The following OCA2 variants were observed in gnomAD, a reference collection of about 807,000 sequenced individuals.
OCA2 encodes the protein OCA2 melanosomal transmembrane protein.
OCA2 carries 77 observed loss-of-function variants against 100.2 expected under a neutral mutation model. The observed-to-expected ratio is 0.77, with a 90% CI of 0.64 to 0.93. OCA2 has a LOEUF of 0.93. OCA2 is among the 40% of genes least tolerant of loss of function. OCA2 has a pLI of 0.00. For missense variants in OCA2, 1,062 were observed against 1,089.1 expected (o/e 0.98, Z 0.35); for synonymous variants, 432 against 439.2 (o/e 0.98, Z 0.21).
At chr15:27,783,789 C>T (rs950118187) in intron 23 of OCA2, among the ~76,000 whole-genome samples, 1 of 152,250 alleles carries the variant, frequency 6.6e-6, no homozygotes, top group Non-Finnish European at 1.5e-5. Flanking sequence ...TCTGAGAAAA[C>T]ATCCTTGTGG....
chr15:27,975,049 C>T (rs2040922305), intron 14 of OCA2, among the ~76,000 whole-genome samples: 1 of 152,182 alleles, frequency 6.6e-6, no homozygotes, highest in African/African-American at 2.4e-5. Flanking sequence ...TGCTCTTTGC[C>T]CTCAGTTTTC....
chr15:27,972,896 C>T (rs1219521307), intron 14 of OCA2, among the ~76,000 whole-genome samples: 2 of 145,610 alleles, frequency 1.4e-5, no homozygotes, highest in African/African-American at 5.0e-5. Context: ...GACAGAGTCT[C>T]TCTTTCTCAC....
intron 1 of OCA2, among the ~76,000 whole-genome samples, chr15:28,098,302 C>T (rs901077583): frequency 2.6e-4 from 39 of 152,372 alleles, no homozygotes; most frequent in African/African-American, 9.4e-4. Flanking sequence ...ATTAGTTCTT[C>T]TATGAGAGAT....
At chr15:27,737,871 G>A in the OCA2 span, among the ~76,000 whole-genome samples, 1 of 152,166 alleles carries the variant, frequency 6.6e-6, no homozygotes, top group East Asian at 1.9e-4. Flanking sequence ...AACGTCATAG[G>A]AGAATGGACA....
intron 1 of OCA2, among the ~76,000 whole-genome samples, chr15:28,096,074 C>A (rs1254752670): frequency 6.6e-6 from 1 of 151,708 alleles, no homozygotes; most frequent in Non-Finnish European, 1.5e-5. Context: ...CTCCGGGGGC[C>A]TGGCTGCGTC....
At chr15:27,982,009 T>A (rs2041179452) in intron 14 of OCA2, among the ~76,000 whole-genome samples, 1 of 152,214 alleles carries the variant, frequency 6.6e-6, no homozygotes, top group Non-Finnish European at 1.5e-5. Flanking sequence ...CCTTTGTGCC[T>A]GTTATCCAGT....
At chr15:27,739,541 G>A in the OCA2 span, among the ~76,000 whole-genome samples, 1 of 147,302 alleles carries the variant, frequency 6.8e-6, no homozygotes, top group South Asian at 2.2e-4. Context: ...CACCTCCCGG[G>A]TTCAAGTGAT....
At chr15:28,097,597 A>C (rs1432479908) in intron 1 of OCA2, among the ~76,000 whole-genome samples, 5 of 151,902 alleles carry the variant, frequency 3.3e-5, no homozygotes, top group Non-Finnish European at 7.4e-5. Context: ...CTCCCAAGAA[A>C]CCTCATCCTC....
At chr15:27,778,019 G>C (rs1198479839) in intron 23 of OCA2, among the ~76,000 whole-genome samples, 3 of 152,316 alleles carry the variant, frequency 2.0e-5, no homozygotes, top group Non-Finnish European at 4.4e-5. Flanking sequence ...AGGCATATTA[G>C]AGTGGCCTTT....
intron 3 of OCA2, among the ~76,000 whole-genome samples, chr15:28,029,602 A>G (rs763141928): frequency 2.6e-5 from 4 of 151,578 alleles, no homozygotes; most frequent in Non-Finnish European, 4.4e-5. Flanking sequence ...TTTAATTTTA[A>G]TTAATTTAAA....
At chr15:27,959,344 G>A (rs1595719666) in intron 15 of OCA2, among the ~76,000 whole-genome samples, 1 of 151,744 alleles carries the variant, frequency 6.6e-6, no homozygotes, top group African/African-American at 2.4e-5. Flanking sequence ...CACCTATGAG[G>A]CTATGATAAC....
At chr15:27,723,563 G>A in the OCA2 span, among the ~76,000 whole-genome samples, 2 of 152,022 alleles carry the variant, frequency 1.3e-5, no homozygotes, top group Non-Finnish European at 2.9e-5. Context: ...GAATCAGTGT[G>A]AAGAACCGAC....
At chr15:27,867,660 G>C (rs2151479611) in intron 21 of OCA2, among the ~76,000 whole-genome samples, 1 of 152,220 alleles carries the variant, frequency 6.6e-6, no homozygotes, top group Non-Finnish European at 1.5e-5. Context: ...TGAAGTGCAA[G>C]GAGAAACAAA....
the OCA2 span, among the ~76,000 whole-genome samples, chr15:27,735,395 T>C: frequency 1.3e-5 from 2 of 151,970 alleles, no homozygotes; most frequent in Non-Finnish European, 2.9e-5. Context: ...GAGCAAATGT[T>C]TGTGTTATAG....
chr15:27,776,642 C>G (rs1487055826), intron 23 of OCA2: 2 of 152,246 alleles, frequency 1.3e-5, no homozygotes, highest in Non-Finnish European at 1.5e-5. Flanking sequence ...TGCGGAGGCT[C>G]TCTCTCCTGT....
chr15:27,951,304 G>A (rs554435354), intron 18 of OCA2, among the ~76,000 whole-genome samples: 31 of 152,136 alleles, frequency 2.0e-4, no homozygotes, highest in Non-Finnish European at 3.8e-4. Context: ...AGTTTCATGC[G>A]CCAGATGCAC....
chr15:28,087,727 A>G (rs1348909535), intron 1 of OCA2, among the ~76,000 whole-genome samples: 1 of 152,166 alleles, frequency 6.6e-6, no homozygotes, highest in Non-Finnish European at 1.5e-5. Flanking sequence ...AGCCTGGGTG[A>G]CAGAGTGAGA....
At chr15:27,884,117 C>T (rs1482989307) in intron 19 of OCA2, among the ~76,000 whole-genome samples, 1 of 152,228 alleles carries the variant, frequency 6.6e-6, no homozygotes, top group Non-Finnish European at 1.5e-5. Flanking sequence ...CGTGGTGACT[C>T]ACACTTGTAA....
chr15:27,913,510 G>A (rs533196343), intron 19 of OCA2, among the ~76,000 whole-genome samples: 1 of 152,062 alleles, frequency 6.6e-6, no homozygotes, highest in Non-Finnish European at 1.5e-5. Flanking sequence ...TTCTCCACGT[G>A]TTTTGCAATT....
Sources: allele counts gnomAD v4.1 joint callset (sites outside exome capture counted in the v4.1 genomes callset), GRCh38; gene constraint gnomAD v4.1.1; transcripts MANE v1.5; gene names NCBI Gene and HGNC (gene_info 2026-07-23, HGNC 2026-07-21).